Variants in ANO3 observed in about 807,000 individuals in gnomAD.
ANO3 encodes anoctamin 3, also known as anoctamin-3.
A neutral mutation model predicts 144.8 loss-of-function variants in ANO3; 99 were observed. That is an observed-to-expected ratio of 0.68 (90% CI 0.58 to 0.81). The LOEUF is 0.81. Among genes scored for constraint, ANO3 ranks in the 30% least tolerant of loss-of-function variants. The probability of loss-of-function intolerance (pLI) is 0.00; values close to 1 mark genes in which losing one functional copy is unlikely to be tolerated. For synonymous variants in ANO3, 414 were observed against 392.6 expected, an observed-to-expected ratio of 1.05 and a Z score of -0.64; for missense variants, 905 against 1,202.2, an observed-to-expected ratio of 0.75 and a Z score of 3.66.
At chr11:26,613,974 G>A (rs2132975650) in intron 17 of ANO3, among the ~76,000 whole-genome samples, 1 of 152,318 alleles carries the variant, frequency 6.6e-6, no homozygotes, top group Non-Finnish European at 1.5e-5. Context: ...GGCACTGGGT[G>A]GTTTTGCAAA....
At chr11:26,423,010 T>C (rs1277697721) in intron 1 of ANO3, among the ~76,000 whole-genome samples, 4 of 151,974 alleles carry the variant, frequency 2.6e-5, no homozygotes, top group South Asian at 2.1e-4. Flanking sequence ...CAGGAAAACA[T>C]AGGGCAGTAG....
chr11:26,243,200 G>A (rs939231516), intron 1 of ANO3, among the ~76,000 whole-genome samples: 2 of 152,054 alleles, frequency 1.3e-5, no homozygotes, highest in Non-Finnish European at 2.9e-5. Flanking sequence ...GAAGGTTGTT[G>A]CCAGGCTGGG....
intron 17 of ANO3, among the ~76,000 whole-genome samples, chr11:26,603,711 A>G (rs1258327463): frequency 1.3e-5 from 2 of 152,142 alleles, no homozygotes; most frequent in Non-Finnish European, 1.5e-5. Context: ...TTACAATCAA[A>G]TATTAACAAT....
intron 18 of ANO3, among the ~76,000 whole-genome samples, chr11:26,632,865 A>ATAAG (rs1309946947): frequency 2.6e-5 from 4 of 152,056 alleles, no homozygotes; most frequent in Admixed American, 6.5e-5. Flanking sequence ...TCTTTTCTAA[A>ATAAG]TAAGTTTTGT....
At chr11:26,614,924 C>G (rs929001243) in intron 17 of ANO3, among the ~76,000 whole-genome samples, 9 of 151,962 alleles carry the variant, frequency 5.9e-5, no homozygotes, top group Admixed American at 3.9e-4. Flanking sequence ...GTTTTGGTTC[C>G]TTTTTGTTGG....
At chr11:26,324,944 T>C (rs1854847951) in intron 1 of ANO3, among the ~76,000 whole-genome samples, 1 of 152,210 alleles carries the variant, frequency 6.6e-6, no homozygotes, top group African/African-American at 2.4e-5. Flanking sequence ...CTGATTGCAC[T>C]GAACCCATGG....
At chr11:26,415,164 A>G (rs535611355) in intron 1 of ANO3, among the ~76,000 whole-genome samples, 3 of 151,856 alleles carry the variant, frequency 2.0e-5, no homozygotes, top group Non-Finnish European at 2.9e-5. Flanking sequence ...AAGCTCCTCA[A>G]TATTCCCAGA....
intron 9 of ANO3, among the ~76,000 whole-genome samples, chr11:26,535,987 C>A (rs1849499243): frequency 6.6e-6 from 1 of 151,428 alleles, no homozygotes; most frequent in Non-Finnish European, 1.5e-5. Flanking sequence ...CTAAACTTCA[C>A]CAAAAATAAA....
intron 17 of ANO3, among the ~76,000 whole-genome samples, chr11:26,613,182 A>T (rs1454148459): frequency 6.6e-6 from 1 of 152,000 alleles, no homozygotes; most frequent in Admixed American, 6.6e-5. Context: ...CACTTTCTTT[A>T]TTCTTATTTG....
At chr11:26,508,283 A>C in intron 5 of ANO3, 21 bp downstream of exon 5, 2 of 1,565,514 alleles carry the variant, frequency 1.3e-6, no homozygotes, top group Non-Finnish European at 1.7e-6. Flanking sequence ...TACTATTATT[A>C]GTTATGTGAT....
chr11:26,600,807 C>G (rs1468658508), intron 17 of ANO3, among the ~76,000 whole-genome samples: 1 of 151,776 alleles, frequency 6.6e-6, no homozygotes, highest in African/African-American at 2.4e-5. Context: ...TCTCTATGAC[C>G]ATGTTCCTCA....
rs1015714076 is a variant in ANO3, at chr11:26,474,217, A to G, written c.432+11069A>G. On this transcript the variant is annotated intron_variant, in intron 4 of 26. Coordinates refer to ENST00000256737, the MANE Select transcript of ANO3 (RefSeq NM_031418.4). ...TAGAGAAGCCAATTGAGAGAAATTA[A>G]TATTGATTTCAGAATTGGAATTGAG... The G allele has an allele frequency of 7.1e-5, 35 of 495,336 alleles. No individual in the cohort carries two copies. In the African/African-American group the frequency reaches 7.2e-4, roughly 10 times the overall value. The allele number at this position is 495,336 out of a possible 1,614,324, so 30.7% of individuals were successfully genotyped here.
chr11:26,394,349 A>G (rs1462808693), intron 1 of ANO3, among the ~76,000 whole-genome samples: 1 of 152,072 alleles, frequency 6.6e-6, no homozygotes, highest in Non-Finnish European at 1.5e-5. Flanking sequence ...AGTTATTAAT[A>G]TGTAGTTATT....
intron 1 of ANO3, among the ~76,000 whole-genome samples, chr11:26,404,455 T>G (rs1408008927): frequency 2.0e-5 from 3 of 151,772 alleles, no homozygotes; most frequent in Non-Finnish European, 4.4e-5. Context: ...AACCTCTACC[T>G]CCTTTCTTTA....
upstream of ANO3, among the ~76,000 whole-genome samples, chr11:26,188,815 T>A (rs1292633747): frequency 6.6e-6 from 1 of 152,156 alleles, no homozygotes; most frequent in African/African-American, 2.4e-5. Context: ...ACCAGCTTAC[T>A]AAAAGCATCT....
chr11:26,627,983 T>C (rs1852649028), intron 18 of ANO3, among the ~76,000 whole-genome samples: 1 of 152,118 alleles, frequency 6.6e-6, no homozygotes, highest in South Asian at 2.1e-4. Flanking sequence ...AAACTTTCTG[T>C]TTCTTGATTT....
At chr11:26,279,837 C>T (rs1424250418) in intron 1 of ANO3, among the ~76,000 whole-genome samples, 1 of 152,114 alleles carries the variant, frequency 6.6e-6, no homozygotes, top group Non-Finnish European at 1.5e-5. Flanking sequence ...TTACTACAGA[C>T]CTAAACAGAA....
chr11:26,479,532 G>A (rs1860124822), intron 4 of ANO3, among the ~76,000 whole-genome samples: 1 of 151,998 alleles, frequency 6.6e-6, no homozygotes, highest in Admixed American at 6.6e-5. Flanking sequence ...GTTTGGGCAG[G>A]GGAACTCCCA....
At chr11:26,430,359 C>T (rs1355364983) in intron 1 of ANO3, among the ~76,000 whole-genome samples, 1 of 151,424 alleles carries the variant, frequency 6.6e-6, no homozygotes, top group Non-Finnish European at 1.5e-5. Context: ...TATATCCTTG[C>T]AAATGATCTT....
Sources: allele counts gnomAD v4.1 joint callset (sites outside exome capture counted in the v4.1 genomes callset), GRCh38; gene constraint gnomAD v4.1.1; transcripts MANE v1.5; gene names NCBI Gene and HGNC (gene_info 2026-07-23, HGNC 2026-07-21).